The following KPNA3 variants were observed in gnomAD, a reference collection of about 807,000 sequenced individuals.
The protein encoded by KPNA3 is importin subunit alpha-4.
KPNA3 carries 13 observed loss-of-function variants against 73.8 expected under a neutral mutation model. That is an observed-to-expected ratio of 0.18 (90% CI 0.11 to 0.28). The LOEUF is 0.28. Among genes scored for constraint, KPNA3 ranks in the 10% least tolerant of loss-of-function variants. The probability of loss-of-function intolerance (pLI) is 1.00; values close to 1 mark genes in which losing one functional copy is unlikely to be tolerated. For synonymous variants in KPNA3, 186 were observed against 206.9 expected (o/e 0.90, Z 0.87); for missense variants, 360 against 618.1 (o/e 0.58, Z 4.43).
At chr13:49,767,186 G>A (rs1236903450) in intron 1 of KPNA3, among the ~76,000 whole-genome samples, 1 of 151,900 alleles carries the variant, frequency 6.6e-6, no homozygotes, top group Non-Finnish European at 1.5e-5. Context: ...GGAGGCCGAG[G>A]TGGGCGGATC....
chr13:49,707,998 CTTTTTTTTT>C (rs67141719), intron 12 of KPNA3, among the ~76,000 whole-genome samples: 1 of 121,734 alleles, frequency 8.2e-6, no homozygotes, highest in Non-Finnish European at 1.8e-5. Flanking sequence ...TTCTTTTTTC[CTTTTTTTTT>C]TTTTTTGAGA....
At position 49,721,997 on chromosome 13, in the gene KPNA3, G is replaced by A. The variant is rs1200484323; in HGVS notation, c.684C>T (p.Cys228=). The A allele has an allele frequency of 6.2e-7, 1 of 1,609,730 alleles. No homozygotes were observed. Among genetic ancestry groups the A allele is most frequent in the Non-Finnish European group, 8.5e-7 (1 of 1,177,722 alleles). The change falls in exon 9 of 17, where the codon TGC becomes TGT. Residue 228 remains cysteine (C), a synonymous_variant. Transcript: ENST00000261667. ...RNVTWVIVNL[C]RNKDPPPPME... ...TAGGCGGCGGGGGATCCTTATTCCT[G>A]CAGAGATTGACAATGACCCATGTGA...
intron 1 of KPNA3, among the ~76,000 whole-genome samples, chr13:49,769,457 C>T (rs1954835862): frequency 6.6e-6 from 1 of 152,198 alleles, no homozygotes; most frequent in East Asian, 1.9e-4. Flanking sequence ...CTTCCCACAA[C>T]CCCTGGCAAT....
At chr13:49,743,998 T>TC (rs759063224) in intron 2 of KPNA3, among the ~76,000 whole-genome samples, 22 of 152,206 alleles carry the variant, frequency 1.4e-4, no homozygotes, top group Non-Finnish European at 2.8e-4. Flanking sequence ...ACGCACACTA[T>TC]TCTACCTATA....
At chr13:49,752,775 T>A (rs911126692) in intron 1 of KPNA3, among the ~76,000 whole-genome samples, 1 of 152,020 alleles carries the variant, frequency 6.6e-6, no homozygotes, top group Admixed American at 6.6e-5. Context: ...ACGTCTGTAA[T>A]CCCAGCACTT....
intron 1 of KPNA3, among the ~76,000 whole-genome samples, chr13:49,756,691 T>G (rs1350689089): frequency 6.6e-6 from 1 of 152,190 alleles, no homozygotes; most frequent in Non-Finnish European, 1.5e-5. Flanking sequence ...CAGCAATATA[T>G]TTTGCAGATA....
intron 1 of KPNA3, among the ~76,000 whole-genome samples, chr13:49,785,974 C>A (rs959046604): frequency 3.9e-5 from 6 of 152,154 alleles, no homozygotes. Context: ...ACTTTATGTT[C>A]AACTGTTGTT....
intron 9 of KPNA3, 57 bp downstream of exon 9, chr13:49,721,898 C>G (rs1419444836): frequency 2.5e-5 from 30 of 1,197,694 alleles, no homozygotes; most frequent in Non-Finnish European, 3.4e-5. Context: ...TATATGAATT[C>G]CTGAAGTACA....
chr13:49,790,242 G>C (rs985898362), intron 1 of KPNA3, among the ~76,000 whole-genome samples: 3 of 152,182 alleles, frequency 2.0e-5, no homozygotes, highest in South Asian at 2.1e-4. Flanking sequence ...CGAGGCGGGA[G>C]AATCACTGGA....
At chr13:49,738,658 A>G (rs1301765240) in intron 2 of KPNA3, among the ~76,000 whole-genome samples, 1 of 152,220 alleles carries the variant, frequency 6.6e-6, no homozygotes, top group Non-Finnish European at 1.5e-5. Flanking sequence ...CATGTTCAGC[A>G]TATATAAATG....
chr13:49,763,281 C>A (rs1954783527), intron 1 of KPNA3, among the ~76,000 whole-genome samples: 1 of 152,014 alleles, frequency 6.6e-6, no homozygotes, highest in Non-Finnish European at 1.5e-5. Context: ...AAGAACTGAA[C>A]AGATGGGTTT....
intron 1 of KPNA3, among the ~76,000 whole-genome samples, chr13:49,777,071 C>T (rs1594461872): frequency 1.3e-5 from 2 of 152,180 alleles, no homozygotes; most frequent in Admixed American, 6.5e-5. Context: ...TACTGAATTC[C>T]TTTTTTCCTG....
At chr13:49,752,332 T>G (rs896939279) in intron 1 of KPNA3, among the ~76,000 whole-genome samples, 5 of 151,936 alleles carry the variant, frequency 3.3e-5, no homozygotes, top group South Asian at 2.1e-4. Flanking sequence ...TCTTGAGTGG[T>G]GAAACTAGAA....
intron 6 of KPNA3, among the ~76,000 whole-genome samples, chr13:49,728,214 G>A (rs1296420059): frequency 2.7e-5 from 4 of 145,820 alleles, no homozygotes; most frequent in Admixed American, 6.9e-5. Flanking sequence ...CAGCCTGGGC[G>A]ACAGAGCGAG....
chr13:49,790,198 G>A (rs1955021070), intron 1 of KPNA3, among the ~76,000 whole-genome samples: 1 of 152,144 alleles, frequency 6.6e-6, no homozygotes, highest in South Asian at 2.1e-4. Context: ...TGGGTGTGAC[G>A]ACTAGCATCT....
intron 10 of KPNA3, 27 bp downstream of exon 10, chr13:49,719,748 C>T (rs1310036100): frequency 6.4e-6 from 10 of 1,552,080 alleles, no homozygotes; most frequent in Non-Finnish European, 7.1e-6. Context: ...GAGCAAAATC[C>T]CACATTTAAG....
intron 1 of KPNA3, among the ~76,000 whole-genome samples, chr13:49,753,196 A>T (rs1332695192): frequency 6.6e-6 from 1 of 152,126 alleles, no homozygotes; most frequent in South Asian, 2.1e-4. Flanking sequence ...TGAAATTAGA[A>T]GACTTGAACT....
At chr13:49,791,524 A>AT (rs1036046803) in intron 1 of KPNA3, among the ~76,000 whole-genome samples, 8 of 147,266 alleles carry the variant, frequency 5.4e-5, no homozygotes, top group Non-Finnish European at 1.2e-4. Context: ...ACCGCGATGA[A>AT]TGTTTAGTTT....
rs1955030456 is a variant in KPNA3 at position 49,791,244 on chromosome 13, A to G, written c.69+1194T>C. Among the ~76,000 whole-genome samples, 4 of 152,196 alleles carry G rather than the reference A, an allele frequency of 2.6e-5. No individual in the cohort carries two copies. The South Asian group carries it at 8.3e-4, about 31-fold the overall frequency. On this transcript the variant is annotated intron_variant, in intron 1 of 16. Coordinates refer to ENST00000261667, the MANE Select transcript of KPNA3 (RefSeq NM_002267.4). Reference sequence around the variant, plus strand: ...CCTTCCTTAAGACAGGATAAAACACACCTCTTAATCACACTAGCTTATCAA... The same window carrying G: ...CCTTCCTTAAGACAGGATAAAACACGCCTCTTAATCACACTAGCTTATCAA...
Sources: gnomAD v4.1 joint callset for allele counts (sites outside exome capture counted in the v4.1 genomes callset) on GRCh38, gnomAD v4.1.1 for gene constraint, MANE v1.5 for transcripts, NCBI Gene and HGNC (gene_info 2026-07-23, HGNC 2026-07-21) for gene names.